The following PDZD2 variants were observed in gnomAD, a reference collection of about 807,000 sequenced individuals.
PDZD2 encodes PDZ domain-containing protein 2.
Under a neutral mutation model 220.7 loss-of-function variants are expected in PDZD2, and 90 were observed. That is an observed-to-expected ratio of 0.41 (90% CI 0.34 to 0.49). The LOEUF (loss-of-function observed/expected upper bound fraction) is 0.49, where lower values mean the gene tolerates loss of function less well. PDZD2 is among the 20% of genes least tolerant of loss of function. The pLI is 0.28. For synonymous variants in PDZD2, 1,375 were observed against 1,450.5 expected (o/e 0.95, Z 1.18); for missense variants, 3,174 against 3,608.5 (o/e 0.88, Z 3.08).
At chr5:31,737,295 C>T (rs546239176) in intron 1 of PDZD2, among the ~76,000 whole-genome samples, 3 of 151,438 alleles carry the variant, frequency 2.0e-5, no homozygotes, top group Non-Finnish European at 2.9e-5. Context: ...GCCTCAGCCT[C>T]CTGAGTAGCT....
At chr5:31,766,810 A>T (rs2150193309) in intron 1 of PDZD2, among the ~76,000 whole-genome samples, 1 of 151,456 alleles carries the variant, frequency 6.6e-6, no homozygotes. Context: ...GCTCACTGCA[A>T]CCTCTGCCTC....
At chr5:32,071,091 T>A (rs1377732390) in intron 15 of PDZD2, among the ~76,000 whole-genome samples, 3 of 152,170 alleles carry the variant, frequency 2.0e-5, no homozygotes, top group Non-Finnish European at 1.5e-5. Flanking sequence ...AGTTGATGTG[T>A]GGGTAGGATA....
intron 1 of PDZD2, among the ~76,000 whole-genome samples, chr5:31,740,603 C>A (rs1384366340): frequency 6.7e-6 from 1 of 148,928 alleles, no homozygotes; most frequent in African/African-American, 2.5e-5. Context: ...GTTTTGGTAC[C>A]CACTGACTGG....
chr5:32,023,357 C>T (rs1159296017), intron 6 of PDZD2, among the ~76,000 whole-genome samples: 1 of 152,092 alleles, frequency 6.6e-6, no homozygotes, highest in African/African-American at 2.4e-5. Flanking sequence ...CTCCAAGCCA[C>T]GTTCTCTCAT....
intron 6 of PDZD2, among the ~76,000 whole-genome samples, chr5:32,030,708 T>C (rs772816716): frequency 6.6e-6 from 1 of 152,154 alleles, no homozygotes; most frequent in Non-Finnish European, 1.5e-5. Context: ...GAAATATCCA[T>C]TGTTCAAATG....
intron 8 of PDZD2, among the ~76,000 whole-genome samples, chr5:32,051,564 A>G (rs764129547): frequency 2.0e-5 from 3 of 152,182 alleles, no homozygotes; most frequent in Non-Finnish European, 4.4e-5. Context: ...TATTCTAAGA[A>G]GAATAGCAAG....
intron 1 of PDZD2, chr5:31,725,551 C>A: frequency 1.4e-6 from 2 of 1,452,788 alleles, no homozygotes; most frequent in Non-Finnish European, 1.9e-6. Flanking sequence ...GGACTTAGGA[C>A]TAGTCCAAGA....
At chr5:31,897,688 A>C (rs1741693635) in intron 2 of PDZD2, among the ~76,000 whole-genome samples, 1 of 152,046 alleles carries the variant, frequency 6.6e-6, no homozygotes, top group African/African-American at 2.4e-5. Flanking sequence ...GAAGAGACGC[A>C]TATGAAACAT....
intron 2 of PDZD2, among the ~76,000 whole-genome samples, chr5:31,906,502 G>A (rs529571628): frequency 6.6e-6 from 1 of 152,068 alleles, no homozygotes; most frequent in African/African-American, 2.4e-5. Context: ...CAGCCACCAT[G>A]CGCGGCCTTA....
At chr5:31,922,266 A>G (rs1157002555) in intron 2 of PDZD2, among the ~76,000 whole-genome samples, 4 of 152,230 alleles carry the variant, frequency 2.6e-5, no homozygotes, top group Non-Finnish European at 5.9e-5. Context: ...TCTTCATGGT[A>G]AAGATGAGAA....
At chr5:31,693,548 CT>C (rs113229410) in intron 1 of PDZD2, among the ~76,000 whole-genome samples, 21,162 of 150,412 alleles carry the variant, frequency 0.14, 1,856 homozygotes, top group East Asian at 0.3. Context: ...CCGAAAAGCA[CT>C]TTTTTTTTTC....
chr5:32,102,103 T>G (rs1025631639), intron 24 of PDZD2, among the ~76,000 whole-genome samples: 2 of 151,978 alleles, frequency 1.3e-5, no homozygotes, highest in Admixed American at 6.6e-5. Flanking sequence ...TGACCTATAG[T>G]GTTAATAGGA....
intron 2 of PDZD2, among the ~76,000 whole-genome samples, chr5:31,900,900 T>C (rs1341311267): frequency 6.6e-6 from 1 of 152,146 alleles, no homozygotes; most frequent in African/African-American, 2.4e-5. Context: ...TAAAGGATTT[T>C]GCTGATAAAT....
rs1346134899 is a variant in PDZD2 at position 32,003,473 on chromosome 5, ACAC to A, written c.1254+3206_1254+3208del. On this transcript the variant is annotated intron_variant, in intron 5 of 24. Transcript: ENST00000438447. ...CCCCCAACACACACCCACCCCCCCC[ACAC>A]CACACTACACACACACCACATCATA... 1.8e-3 allele frequency among the ~76,000 whole-genome samples: 145 copies of A among 79,658 alleles called. 1 individual carries two copies. Among genetic ancestry groups the A allele is most frequent in the African/African-American group, 8.3e-3 (136 of 16,402 alleles). The allele number at this position is 79,658 out of a possible 152,430, so 52.3% of individuals were successfully genotyped here. A position where few individuals can be genotyped will look rare whatever the true frequency, so the allele number is the denominator to read the frequency against.
chr5:31,908,418 G>T, intron 2 of PDZD2: 1 of 530,698 alleles, frequency 1.9e-6, no homozygotes, highest in East Asian at 4.4e-5. Flanking sequence ...AGATCCGGGA[G>T]ATCTCAGACT....
At chr5:31,878,710 G>A (rs995583600) in intron 2 of PDZD2, among the ~76,000 whole-genome samples, 13 of 151,628 alleles carry the variant, frequency 8.6e-5, no homozygotes, top group Non-Finnish European at 1.6e-4. Context: ...ACAGGCGCCC[G>A]CCACCTCGCC....
chr5:31,931,071 G>A (rs564777893), intron 2 of PDZD2, among the ~76,000 whole-genome samples: 14 of 152,312 alleles, frequency 9.2e-5, no homozygotes, highest in South Asian at 6.2e-4. Context: ...TGCCCAGGCT[G>A]GGGTATAGTG....
intron 2 of PDZD2, among the ~76,000 whole-genome samples, chr5:31,831,104 A>T (rs1756555741): frequency 6.6e-6 from 1 of 152,246 alleles, no homozygotes; most frequent in Non-Finnish European, 1.5e-5. Context: ...TAAGCTAGAT[A>T]TAGTAAGTCA....
chr5:32,064,531 C>T (rs901996301), intron 14 of PDZD2, among the ~76,000 whole-genome samples: 101 of 152,224 alleles, frequency 6.6e-4, no homozygotes, highest in African/African-American at 2.3e-3. Context: ...GCATGAGCCA[C>T]CACGCCCGGC....
Sources: allele counts gnomAD v4.1 joint callset (sites outside exome capture counted in the v4.1 genomes callset), GRCh38; gene constraint gnomAD v4.1.1; transcripts MANE v1.5; gene names NCBI Gene and HGNC (gene_info 2026-07-23, HGNC 2026-07-21).